The following SCGB2A1 variants were observed in gnomAD, a reference collection of about 807,000 sequenced individuals.
SCGB2A1 encodes secretoglobin family 2A member 1, also known as mammaglobin-B.
In SCGB2A1, 6 loss-of-function variants were observed where a neutral mutation model predicts 9.2. That is an observed-to-expected ratio of 0.66 (90% confidence interval 0.36 to 1.29). SCGB2A1 has a LOEUF of 1.29. Among genes scored for constraint, SCGB2A1 ranks in the 50% most tolerant of loss-of-function variants. The pLI is 0.03. For missense variants in SCGB2A1, 138 were observed against 116.9 expected (o/e 1.18, Z -0.83); for synonymous variants, 37 against 41.0 (o/e 0.90, Z 0.37).
At chr11:62,208,889 T>A (rs1590653682) in intron 1 of SCGB2A1, 103 bp downstream of exon 1, 2 of 1,193,434 alleles carry the variant, frequency 1.7e-6, no homozygotes, top group East Asian at 4.8e-5. Context: ...CGAGCCCCAG[T>A]GTGAAGGGCC....
chr11:62,208,904 T>C, intron 1 of SCGB2A1, 118 bp downstream of exon 1: 1 of 961,270 alleles, frequency 1.0e-6, no homozygotes, highest in Non-Finnish European at 1.6e-6. Flanking sequence ...AGGGCCTGGG[T>C]GCGATAGGCC....
Position 62,212,141 on chromosome 11 carries a change from T to C in SCGB2A1, c.243+1541T>C, listed in dbSNP as rs572837143. On this transcript the variant is annotated intron_variant, in intron 2 of 2. Transcript: ENST00000244930. ...TTTCACCATGTTGGCCAGGCTGGTC[T>C]CAAACTCCTGACCTCAGGTGATCTG... Among the ~76,000 whole-genome samples, 7 of 151,448 alleles carry C rather than the reference T, an allele frequency of 4.6e-5. No individual in the cohort carries two copies. The South Asian group carries it at 1.5e-3, about 32-fold the overall frequency.
intron 2 of SCGB2A1, 39 bp from the exon 3 acceptor site, chr11:62,213,687 G>A: frequency 6.3e-7 from 1 of 1,589,170 alleles, no homozygotes; most frequent in Non-Finnish European, 8.6e-7. Context: ...TTTAATAAGT[G>A]AAATTTGCAA....
At chr11:62,212,065 G>A (rs1944835506) in intron 2 of SCGB2A1, among the ~76,000 whole-genome samples, 1 of 151,514 alleles carries the variant, frequency 6.6e-6, no homozygotes, top group Non-Finnish European at 1.5e-5. Flanking sequence ...TGGAATTACT[G>A]GCACACAACA....
At position 62,213,591 on chromosome 11, in the gene SCGB2A1, G is replaced by C. The variant is rs3915491; in HGVS notation, c.244-135G>C. ...ACAGAATAAATGGAGAGGGGATGCT[G>C]GCTTTGCTTCCACTGCAAATCCTCC... On this transcript the variant is annotated intron_variant, in intron 2 of 2. Transcript: ENST00000244930. 1,754 of 770,818 alleles carry C rather than the reference G, an allele frequency of 2.3e-3. 30 individuals carry two copies. The African/African-American group carries it at 0.025, about 11-fold the overall frequency. The allele number at this position is 770,818 out of a possible 1,614,324, so 47.7% of individuals were successfully genotyped here. A position where few individuals can be genotyped will look rare whatever the true frequency, so the allele number is the denominator to read the frequency against.
intron 2 of SCGB2A1, among the ~76,000 whole-genome samples, chr11:62,212,990 ATG>A (rs1227327593): frequency 0.015 from 2,073 of 134,834 alleles, 94 homozygotes; most frequent in African/African-American, 0.055. Context: ...GCACATATAC[ATG>A]CATATATGTA....
rs67975205 is a variant in SCGB2A1, at chr11:62,213,106, A to ATATATAT, written c.244-619_244-618insATATATT. The stretch of plus-strand genomic sequence containing the variant: ...CATATATACACATATATATATATAT[A>ATATATAT]TTTTTTTTTTTGTAGAGATGGCATT... On this transcript the variant is annotated intron_variant, in intron 2 of 2. Coordinates refer to ENST00000244930, the MANE Select transcript of SCGB2A1 (RefSeq NM_002407.3). Among the ~76,000 whole-genome samples the ATATATAT allele has an allele frequency of 8.3e-3, 969 of 116,226 alleles. 128 individuals carry two copies. The East Asian group carries it at 0.15, about 18-fold the overall frequency. 76.2% of individuals were successfully genotyped at this position (116,226 alleles called of 152,430 possible).
At chr11:62,212,915 TATACAC>T (rs1212166742) in intron 2 of SCGB2A1, among the ~76,000 whole-genome samples, 1 of 142,842 alleles carries the variant, frequency 7.0e-6, no homozygotes, top group African/African-American at 2.9e-5. Context: ...TATACATATA[TATACAC>T]ACACACATAT....
Position 62,210,408 on chromosome 11 carries a change from T to A in SCGB2A1, c.56-5T>A. The A allele has an allele frequency of 6.9e-7, 1 of 1,448,904 alleles. No individual in the cohort carries two copies. Among genetic ancestry groups the A allele is most frequent in the African/African-American group, 1.5e-5 (1 of 66,596 alleles). The allele number at this position is 1,448,904 out of a possible 1,614,324, so 89.8% of individuals were successfully genotyped here. On this transcript the variant is annotated splice_region_variant and splice_polypyrimidine_tract_variant and intron_variant, in intron 1 of 2. Transcript: ENST00000244930. Reference sequence around the variant, plus strand: ...TGTCTTTTTTTTTTTTTTTTTTTTTTCCAGATTCTGGCTGCAAACTCCTGG... The same window carrying A: ...TGTCTTTTTTTTTTTTTTTTTTTTTACCAGATTCTGGCTGCAAACTCCTGG...
At chr11:62,210,667 G>T in intron 2 of SCGB2A1, 67 bp downstream of exon 2, 2 of 1,281,112 alleles carry the variant, frequency 1.6e-6, no homozygotes, top group Non-Finnish European at 1.0e-6. Flanking sequence ...CTCTAAATTT[G>T]GCACCAAGAA....
At chr11:62,212,995 T>TATGTACAC (rs1565121365) in intron 2 of SCGB2A1, among the ~76,000 whole-genome samples, 6 of 118,972 alleles carry the variant, frequency 5.0e-5, no homozygotes, top group African/African-American at 1.8e-4. Context: ...TATACATGCA[T>TATGTACAC]ATATGTACAC....
At chr11:62,213,087 T>TAC (rs367585318) in intron 2 of SCGB2A1, among the ~76,000 whole-genome samples, 68,451 of 118,550 alleles carry the variant, frequency 0.58, 22,240 homozygotes, top group East Asian at 0.93. Flanking sequence ...TACACATATA[T>TAC]ACACATATAT....
Position 62,213,733 on chromosome 11 carries a change from T to C in SCGB2A1, c.251T>C (p.Val84Ala), listed in dbSNP as rs1249755230. The change falls in exon 3 of 3, where the codon GTG becomes GCG. Residue 84 changes from valine (V) to alanine (A), a missense_variant. Coordinates refer to ENST00000244930, the MANE Select transcript of SCGB2A1 (RefSeq NM_002407.3). Reference protein sequence around the residue: ...LKNFGLMMHTVYDSIWCNMKS... With the variant: ...LKNFGLMMHTAYDSIWCNMKS... ...CCTGCTTTTGTTTTCCAGCATACAG[T>C]GTACGACAGCATTTGGTGTAATATG... The C allele has an allele frequency of 6.2e-7, 1 of 1,613,732 alleles. No homozygotes were observed.
intron 2 of SCGB2A1, among the ~76,000 whole-genome samples, chr11:62,212,668 A>G (rs1272842487): frequency 3.3e-5 from 5 of 151,718 alleles, no homozygotes; most frequent in East Asian, 1.9e-4. Context: ...TCCTAAACAA[A>G]CCAAAAAAAC....
chr11:62,210,370 G>T, intron 1 of SCGB2A1, 43 bp from the exon 2 acceptor site: 2 of 1,535,988 alleles, frequency 1.3e-6, no homozygotes, highest in Non-Finnish European at 1.7e-6. Flanking sequence ...TCTAGTAATG[G>T]CCCATGTTCT....
intron 2 of SCGB2A1, among the ~76,000 whole-genome samples, chr11:62,210,946 G>A (rs1169233854): frequency 2.7e-5 from 4 of 147,228 alleles, no homozygotes; most frequent in Non-Finnish European, 4.5e-5. Flanking sequence ...TTTTTGAGAC[G>A]GAGTTTCGCT....
rs1554985926 is a variant in SCGB2A1, at chr11:62,213,106, AT to A, written c.244-609del. Among the ~76,000 whole-genome samples the A allele has an allele frequency of 8.4e-4, 98 of 116,230 alleles. 1 individual carries two copies. Among genetic ancestry groups the A allele is most frequent in the Middle Eastern group, 4.7e-3 (1 of 212 alleles). 76.3% of individuals were successfully genotyped at this position (116,230 alleles called of 152,430 possible). ...CATATATACACATATATATATATATATTTTTTTTTTTGTAGAGATGGCATTT... is the reference window on the plus strand; with the variant it reads ...CATATATACACATATATATATATATATTTTTTTTTTGTAGAGATGGCATTT... On this transcript the variant is annotated intron_variant, in intron 2 of 2. Coordinates refer to ENST00000244930, the MANE Select transcript of SCGB2A1 (RefSeq NM_002407.3).
At position 62,212,993 on chromosome 11, in the gene SCGB2A1, C is replaced by CAT. The variant is rs572231884; in HGVS notation, c.244-728_244-727dup. 8.2e-3 allele frequency among the ~76,000 whole-genome samples: 1,024 copies of CAT among 124,356 alleles called. 41 individuals carry two copies. The highest frequency in any genetic ancestry group is 0.03 in the African/African-American group (977 of 32,690). The allele number at this position is 124,356 out of a possible 152,430, so 81.6% of individuals were successfully genotyped here. ...ACACATATATGTGCACATATACATGCATATATGTACACATATATGCACATA... is the reference window on the plus strand; with the variant it reads ...ACACATATATGTGCACATATACATGCATATATATGTACACATATATGCACATA... On this transcript the variant is annotated intron_variant, in intron 2 of 2. Transcript: ENST00000244930.
chr11:62,208,921 T>G, intron 1 of SCGB2A1, 135 bp downstream of exon 1: 1 of 745,200 alleles, frequency 1.3e-6, no homozygotes, highest in Non-Finnish European at 2.2e-6. Flanking sequence ...GGCCTTAGGA[T>G]CCCCATGAGT....
Sources: allele counts gnomAD v4.1 joint callset (sites outside exome capture counted in the v4.1 genomes callset), GRCh38; gene constraint gnomAD v4.1.1; transcripts MANE v1.5; gene names NCBI Gene and HGNC (gene_info 2026-07-23, HGNC 2026-07-21).